Variants in ADGRB3 observed in about 807,000 individuals in gnomAD.
ADGRB3 encodes the protein adhesion G protein-coupled receptor B3.
Under a neutral mutation model 193.4 loss-of-function variants are expected in ADGRB3, and 37 were observed. The observed-to-expected ratio is 0.19, with a 90% CI of 0.15 to 0.25. The LOEUF (loss-of-function observed/expected upper bound fraction) is 0.25. Ranked by LOEUF, ADGRB3 falls within the 10% of genes least tolerant of loss-of-function variation. The pLI is 1.00. For synonymous variants in ADGRB3, 690 were observed against 644.2 expected, an observed-to-expected ratio of 1.07 and a Z score of -1.08; for missense variants, 1,637 against 1,852.9, an observed-to-expected ratio of 0.88 and a Z score of 2.14.
At chr6:68,948,069 A>G (rs1767819951) in intron 6 of ADGRB3, among the ~76,000 whole-genome samples, 1 of 152,138 alleles carries the variant, frequency 6.6e-6, no homozygotes, top group Admixed American at 6.6e-5. Flanking sequence ...AGGTGTGACA[A>G]TTCTATGGTT....
At chr6:68,991,691 G>A (rs952073915) in intron 10 of ADGRB3, among the ~76,000 whole-genome samples, 1 of 152,090 alleles carries the variant, frequency 6.6e-6, no homozygotes, top group Admixed American at 6.6e-5. Flanking sequence ...GAAGAACTCC[G>A]CAGAAACTAG....
At chr6:68,672,731 T>A (rs141639598) in intron 3 of ADGRB3, among the ~76,000 whole-genome samples, 94 of 152,212 alleles carry the variant, frequency 6.2e-4, no homozygotes, top group African/African-American at 2.1e-3. Flanking sequence ...GGTCAAACAC[T>A]AGTCTAGATG....
chr6:68,807,406 T>A (rs748669984), intron 3 of ADGRB3, among the ~76,000 whole-genome samples: 10 of 151,666 alleles, frequency 6.6e-5, no homozygotes, highest in Non-Finnish European at 7.4e-5. Context: ...GCCCGGGTAA[T>A]TTTGTTTGTA....
At chr6:69,020,982 A>G (rs1226166250) in intron 13 of ADGRB3, among the ~76,000 whole-genome samples, 1 of 151,988 alleles carries the variant, frequency 6.6e-6, no homozygotes, top group African/African-American at 2.4e-5. Flanking sequence ...AATGTTTTTG[A>G]GCATGGACAT....
intron 8 of ADGRB3, among the ~76,000 whole-genome samples, chr6:68,969,435 A>G (rs1359350317): frequency 1.3e-5 from 2 of 152,176 alleles, no homozygotes; most frequent in Non-Finnish European, 2.9e-5. Context: ...CGTGATGGGA[A>G]TGGTAGGCTA....
chr6:69,309,395 A>G (rs1225649127), intron 20 of ADGRB3, among the ~76,000 whole-genome samples: 2 of 151,724 alleles, frequency 1.3e-5, no homozygotes, highest in African/African-American at 2.4e-5. Context: ...CATGCATTAA[A>G]TTGCATCCTA....
intron 3 of ADGRB3, among the ~76,000 whole-genome samples, chr6:68,822,934 A>T (rs1410976905): frequency 6.6e-6 from 1 of 152,166 alleles, no homozygotes; most frequent in East Asian, 1.9e-4. Context: ...AAGCTAAAGA[A>T]TGTGTCATTT....
At chr6:68,882,858 C>G (rs1340007173) in intron 3 of ADGRB3, among the ~76,000 whole-genome samples, 1 of 152,004 alleles carries the variant, frequency 6.6e-6, no homozygotes, top group Non-Finnish European at 1.5e-5. Context: ...AGCACATAGT[C>G]CCATTTACTA....
intron 17 of ADGRB3, among the ~76,000 whole-genome samples, chr6:69,113,376 G>A (rs1403411714): frequency 1.3e-5 from 2 of 151,644 alleles, no homozygotes; most frequent in African/African-American, 4.8e-5. Context: ...ATATGTATAT[G>A]TATGTATATA....
At chr6:68,960,419 T>C (rs1356951776) in intron 8 of ADGRB3, among the ~76,000 whole-genome samples, 1 of 152,154 alleles carries the variant, frequency 6.6e-6, no homozygotes, top group Non-Finnish European at 1.5e-5. Flanking sequence ...AGCCGTAGTG[T>C]TGGTAATGCA....
chr6:69,170,020 C>A lies in ADGRB3; in HGVS notation c.2481-63270C>A, dbSNP rs554049917. Among the ~76,000 whole-genome samples, 4 of 152,202 alleles carry A rather than the reference C, an allele frequency of 2.6e-5. No homozygotes were observed. In the South Asian group the frequency reaches 6.2e-4, roughly 24 times the overall value. On this transcript the variant is annotated intron_variant, in intron 17 of 31. Transcript: ENST00000370598. The stretch of plus-strand genomic sequence containing the variant: ...AGAAAACCATTCAGGCTTTAGGAAG[C>A]ACTAGTAGTTCTAAGTACAATTAAT...
intron 3 of ADGRB3, among the ~76,000 whole-genome samples, chr6:68,796,407 T>A (rs1767208762): frequency 6.6e-6 from 1 of 152,218 alleles, no homozygotes. Context: ...TTTCTGAATA[T>A]TCTGGGGTTA....
intron 17 of ADGRB3, among the ~76,000 whole-genome samples, chr6:69,199,243 A>G (rs1193289266): frequency 1.3e-5 from 2 of 152,126 alleles, no homozygotes; most frequent in African/African-American, 4.8e-5. Flanking sequence ...AAGCTTTTCA[A>G]TAGACCAACT....
chr6:68,926,394 A>G (rs1767181476), intron 3 of ADGRB3, among the ~76,000 whole-genome samples: 1 of 152,142 alleles, frequency 6.6e-6, no homozygotes, highest in Non-Finnish European at 1.5e-5. Context: ...AGGTGGTGCC[A>G]TTTGAATTAG....
intron 11 of ADGRB3, among the ~76,000 whole-genome samples, chr6:69,010,955 G>A (rs1203218124): frequency 1.3e-5 from 2 of 151,918 alleles, no homozygotes; most frequent in Non-Finnish European, 2.9e-5. Context: ...TAGTGGCTCT[G>A]CTACCACAGA....
intron 20 of ADGRB3, among the ~76,000 whole-genome samples, chr6:69,267,205 C>T (rs999764167): frequency 6.6e-6 from 1 of 152,040 alleles, no homozygotes; most frequent in African/African-American, 2.4e-5. Context: ...CAAGATCTTT[C>T]TCATAAAGCA....
chr6:69,301,806 T>C (rs978546163), intron 20 of ADGRB3, among the ~76,000 whole-genome samples: 2 of 151,980 alleles, frequency 1.3e-5, no homozygotes, highest in African/African-American at 4.8e-5. Flanking sequence ...TCACAAAATA[T>C]TTTTTAATCT....
intron 3 of ADGRB3, among the ~76,000 whole-genome samples, chr6:68,840,592 A>C (rs1768136879): frequency 6.6e-6 from 1 of 151,552 alleles, no homozygotes; most frequent in African/African-American, 2.4e-5. Context: ...CTGCTTTTGG[A>C]AATGGGAGGG....
At chr6:69,199,524 T>A (rs937981220) in intron 17 of ADGRB3, among the ~76,000 whole-genome samples, 3 of 152,060 alleles carry the variant, frequency 2.0e-5, no homozygotes, top group African/African-American at 7.2e-5. Context: ...TAAGAAAAAA[T>A]GTAATTTTCT....
Sources: allele counts gnomAD v4.1 joint callset (sites outside exome capture counted in the v4.1 genomes callset), GRCh38; gene constraint gnomAD v4.1.1; transcripts MANE v1.5; gene names NCBI Gene and HGNC (gene_info 2026-07-23, HGNC 2026-07-21).